The following ARL8B variants were observed in gnomAD, a reference collection of about 807,000 sequenced individuals.
ARL8B encodes ARF like GTPase 8B, also known as ADP-ribosylation factor-like protein 8B.
In ARL8B, 9 loss-of-function variants were observed where a neutral mutation model predicts 30.6. That is an observed-to-expected ratio of 0.29 (90% CI 0.18 to 0.51). The LOEUF is 0.51. Ranked by LOEUF, ARL8B falls within the 20% of genes least tolerant of loss-of-function variation. ARL8B has a pLI of 0.97. For missense variants in ARL8B, 130 were observed against 227.2 expected (o/e 0.57, Z 2.75); for synonymous variants, 74 against 76.0 (o/e 0.97, Z 0.14).
chr3:5,154,255 C>T (rs1176842711), intron 1 of ARL8B, among the ~76,000 whole-genome samples: 1 of 151,414 alleles, frequency 6.6e-6, no homozygotes, highest in Non-Finnish European at 1.5e-5. Context: ...GACTGTTAGT[C>T]CTTTTTATAT....
intron 1 of ARL8B, among the ~76,000 whole-genome samples, chr3:5,152,097 TTC>T (rs1366225705): frequency 6.6e-6 from 1 of 152,232 alleles, no homozygotes; most frequent in East Asian, 1.9e-4. Context: ...TAATGAAATG[TTC>T]TGTAACTGTG....
chr3:5,125,672 ACAGG>A lies in ARL8B; in HGVS notation c.123+3086_123+3089del, dbSNP rs1262609707. ...CTCAGCCTCCCGAGTAGCTGGGACTACAGGCGACTGCCACCATGCCCAGCTAATT... is the reference window on the plus strand; with the variant it reads ...CTCAGCCTCCCGAGTAGCTGGGACTACGACTGCCACCATGCCCAGCTAATT... On this transcript the variant is annotated intron_variant, in intron 1 of 6. Transcript: ENST00000256496. Among the ~76,000 whole-genome samples, 3 of 152,130 alleles carry A rather than the reference ACAGG, an allele frequency of 2.0e-5. No individual in the cohort carries two copies. The East Asian group carries it at 5.8e-4, about 29-fold the overall frequency.
intron 1 of ARL8B, among the ~76,000 whole-genome samples, chr3:5,169,118 T>C (rs1177235799): frequency 6.6e-6 from 1 of 152,180 alleles, no homozygotes; most frequent in African/African-American, 2.4e-5. Flanking sequence ...AAGTATCATC[T>C]TAGTCATTTT....
intron 1 of ARL8B, among the ~76,000 whole-genome samples, chr3:5,123,582 T>G (rs987662569): frequency 1.2e-4 from 19 of 152,204 alleles, no homozygotes; most frequent in Admixed American, 1.2e-3. Context: ...CAGGGGAGTT[T>G]TAGAACTGTT....
intron 1 of ARL8B, among the ~76,000 whole-genome samples, chr3:5,152,840 T>C (rs1451850548): frequency 6.6e-6 from 1 of 152,246 alleles, no homozygotes; most frequent in Non-Finnish European, 1.5e-5. Flanking sequence ...AAAAAATACA[T>C]TTTGACAGTT....
intron 1 of ARL8B, among the ~76,000 whole-genome samples, chr3:5,170,187 T>C (rs1421490463): frequency 6.6e-6 from 1 of 152,256 alleles, no homozygotes; most frequent in Non-Finnish European, 1.5e-5. Context: ...TTTGTGGAAA[T>C]GTACATCTAG....
chr3:5,140,487 T>C (rs2054363767), intron 1 of ARL8B, among the ~76,000 whole-genome samples: 1 of 152,118 alleles, frequency 6.6e-6, no homozygotes, highest in Non-Finnish European at 1.5e-5. Context: ...TTAAACCTCT[T>C]TCCTTTGTAA....
chr3:5,173,713 TCAAA>T (rs10552472), intron 4 of ARL8B, among the ~76,000 whole-genome samples: 13,512 of 151,200 alleles, frequency 0.089, 1,801 homozygotes, highest in African/African-American at 0.29. Context: ...AGACTCTGTC[TCAAA>T]CAAACAAACA....
intron 6 of ARL8B, among the ~76,000 whole-genome samples, chr3:5,176,009 T>C (rs2054726963): frequency 6.6e-6 from 1 of 152,212 alleles, no homozygotes; most frequent in Non-Finnish European, 1.5e-5. Flanking sequence ...TTAAACATTC[T>C]AGCATAGTAT....
At chr3:5,161,086 A>G (rs1034769945) in intron 1 of ARL8B, among the ~76,000 whole-genome samples, 1 of 152,142 alleles carries the variant, frequency 6.6e-6, no homozygotes, top group Admixed American at 6.5e-5. Flanking sequence ...CACCTGGCAA[A>G]TGTTTGTATT....
Position 5,178,984 on chromosome 3 carries a change from A to C in ARL8B, c.*271A>C, listed in dbSNP as rs1035779793. On this transcript the variant is annotated 3_prime_UTR_variant, in exon 7 of 7. Transcript: ENST00000256496. ...GTAGAGCTTTAAAAACAGAAAAAAA[A>C]CCCCATATACTTATGACCATCTTAA... The C allele has an allele frequency of 3.6e-5, 12 of 336,592 alleles. No individual in the cohort carries two copies. The highest frequency in any genetic ancestry group is 2.7e-4 in the South Asian group (3 of 11,154). 20.9% of individuals were successfully genotyped at this position (336,592 alleles called of 1,614,324 possible).
rs1559272112 is a variant in ARL8B, at chr3:5,122,378, AG to A, written c.-85del. 7.6e-6 allele frequency: 12 copies of A among 1,587,768 alleles called. No homozygotes were observed. The highest frequency in any genetic ancestry group is 1.0e-5 in the Non-Finnish European group (12 of 1,168,696). ...CGCCGGGGCACCAAGGAGCCGTTGG[AG>A]GGTCCGGGCGGAGGCCCGCTCGTGT... is the stretch of plus-strand genomic sequence containing the variant. On this transcript the variant is annotated 5_prime_UTR_variant, in exon 1 of 7. Coordinates refer to ENST00000256496, the MANE Select transcript of ARL8B (RefSeq NM_018184.3).
chr3:5,134,660 A>C (rs1486067357), intron 1 of ARL8B, among the ~76,000 whole-genome samples: 2 of 152,102 alleles, frequency 1.3e-5, no homozygotes, highest in Non-Finnish European at 2.9e-5. Context: ...TGATCATTTT[A>C]CTGTGTGGTT....
chr3:5,122,682 G>T, intron 1 of ARL8B, 94 bp downstream of exon 1: 2 of 1,347,888 alleles, frequency 1.5e-6, no homozygotes, highest in South Asian at 3.0e-5. Context: ...CCCTCGGCGC[G>T]ATGGGACTGA....
At chr3:5,149,767 A>T (rs966321546) in intron 1 of ARL8B, among the ~76,000 whole-genome samples, 2 of 152,188 alleles carry the variant, frequency 1.3e-5, no homozygotes, top group African/African-American at 2.4e-5. Flanking sequence ...GCTGGCTGCC[A>T]GTCCTTAGGT....
At chr3:5,144,417 C>T (rs1028111443) in intron 1 of ARL8B, among the ~76,000 whole-genome samples, 9 of 152,212 alleles carry the variant, frequency 5.9e-5, no homozygotes, top group Admixed American at 4.6e-4. Flanking sequence ...ACAGCTTCCA[C>T]GTACTTGTTT....
chr3:5,153,612 G>C (rs1370297664), intron 1 of ARL8B, among the ~76,000 whole-genome samples: 1 of 151,954 alleles, frequency 6.6e-6, no homozygotes, highest in African/African-American at 2.4e-5. Context: ...CACCAATGTC[G>C]AATTTTACCT....
Position 5,172,650 on chromosome 3 carries a change from C to T in ARL8B, c.282C>T (p.Tyr94=), listed in dbSNP as rs1331225410. ...RYCRGVNAIV[Y]MIDAADREKI... Reference sequence around the variant, plus strand: ...GAGATCACTTCATTTTTTTAAGTTACATGATAGATGCTGCAGATCGTGAAA... The same window carrying T: ...GAGATCACTTCATTTTTTTAAGTTATATGATAGATGCTGCAGATCGTGAAA... Residue 94 remains tyrosine, a synonymous_variant, in exon 4 of 7, where the codon TAC becomes TAT. Transcript: ENST00000256496. 2.5e-6 allele frequency: 4 copies of T among 1,609,420 alleles called. No individual in the cohort carries two copies. In the South Asian group the frequency reaches 3.3e-5, roughly 13 times the overall value.
chr3:5,145,566 G>A (rs1012281060), intron 1 of ARL8B, among the ~76,000 whole-genome samples: 1 of 152,146 alleles, frequency 6.6e-6, no homozygotes, highest in East Asian at 1.9e-4. Context: ...CAAGGGGCAT[G>A]CCCTGGTCTA....
Sources: allele counts gnomAD v4.1 joint callset (sites outside exome capture counted in the v4.1 genomes callset), GRCh38; gene constraint gnomAD v4.1.1; transcripts MANE v1.5; gene names NCBI Gene and HGNC (gene_info 2026-07-23, HGNC 2026-07-21).